Variants in CHD1L observed in about 807,000 individuals in gnomAD.
CHD1L encodes the protein chromodomain helicase DNA binding protein 1 like.
CHD1L carries 118 observed loss-of-function variants against 115.9 expected under a neutral mutation model. The ratio of observed to expected loss-of-function variants is 1.02; its 90% CI spans 0.88 to 1.19. The LOEUF (loss-of-function observed/expected upper bound fraction) is 1.19. Ranked by LOEUF, CHD1L falls within the 50% of genes most tolerant of loss-of-function variation. The pLI is 0.00. For missense variants in CHD1L, 1,179 were observed against 1,065.3 expected, an observed-to-expected ratio of 1.11 and a Z score of -1.49; for synonymous variants, 411 against 387.1, an observed-to-expected ratio of 1.06 and a Z score of -0.72.
At chr1:147,262,960 T>C (rs587738551) in intron 6 of CHD1L, among the ~76,000 whole-genome samples, 1 of 152,256 alleles carries the variant, frequency 6.6e-6, no homozygotes, top group South Asian at 2.1e-4. Flanking sequence ...CAAAAAGTAA[T>C]GTATATATGC....
intron 15 of CHD1L, among the ~76,000 whole-genome samples, chr1:147,282,398 G>A (rs12033407): frequency 1.3e-5 from 2 of 152,026 alleles, no homozygotes; most frequent in African/African-American, 2.4e-5. Context: ...TCAATTCCCC[G>A]CTTTGCAGTA....
At chr1:147,276,875 A>G (rs1553958287) in intron 14 of CHD1L, among the ~76,000 whole-genome samples, 1 of 152,178 alleles carries the variant, frequency 6.6e-6, no homozygotes. Context: ...TTTTGCCCTA[A>G]GGATGAGGGG....
chr1:147,261,996 C>G (rs1156372711), intron 6 of CHD1L, among the ~76,000 whole-genome samples: 1 of 151,838 alleles, frequency 6.6e-6, no homozygotes, highest in African/African-American at 2.4e-5. Context: ...GAGATCGAGA[C>G]CATCCTGGCT....
chr1:147,260,044 TC>T, intron 6 of CHD1L, 126 bp downstream of exon 6: 1 of 674,874 alleles, frequency 1.5e-6, no homozygotes, highest in Admixed American at 2.6e-5. Context: ...CATGCATATG[TC>T]CCCACACATG....
At chr1:147,277,512 T>C (rs2354428) in intron 14 of CHD1L, among the ~76,000 whole-genome samples, 27,027 of 152,138 alleles carry the variant, frequency 0.18, 3,062 homozygotes, top group Middle Eastern at 0.26. Flanking sequence ...TTTTATTAAT[T>C]TTGGGACTAG....
chr1:147,199,072 T>C, the CHD1L span, among the ~76,000 whole-genome samples: 1 of 152,218 alleles, frequency 6.6e-6, no homozygotes, highest in South Asian at 2.1e-4. Flanking sequence ...GAAACTATGT[T>C]TCATTTCAGT....
At chr1:147,293,245 C>T (rs1553972216) in intron 20 of CHD1L, among the ~76,000 whole-genome samples, 1 of 151,986 alleles carries the variant, frequency 6.6e-6, no homozygotes, top group Admixed American at 6.6e-5. Context: ...CTGACTCAGG[C>T]ATCAAAGGGC....
intron 6 of CHD1L, among the ~76,000 whole-genome samples, chr1:147,262,850 A>G (rs1314848131): frequency 1.3e-5 from 2 of 152,184 alleles, no homozygotes; most frequent in East Asian, 3.9e-4. Context: ...TAGAAAGACA[A>G]GAAGAAAAGG....
At chr1:147,186,207 A>G in the CHD1L span, 3 of 506,302 alleles carry the variant, frequency 5.9e-6, no homozygotes, top group African/African-American at 2.1e-5. Flanking sequence ...TTCTCAACCA[A>G]GTTGATCTCA....
chr1:147,174,009 G>A, the CHD1L span, among the ~76,000 whole-genome samples: 1 of 152,178 alleles, frequency 6.6e-6, no homozygotes, highest in Non-Finnish European at 1.5e-5. Flanking sequence ...AAGTTACATA[G>A]GCCACCCTTT....
rs1169451551 is a variant in CHD1L at position 147,270,225 on chromosome 1, T to G, written c.1086-707T>G. Among the ~76,000 whole-genome samples, 5 of 152,194 alleles carry G rather than the reference T, an allele frequency of 3.3e-5. No homozygotes were observed. The East Asian group carries it at 5.8e-4, about 18-fold the overall frequency. On this transcript the variant is annotated intron_variant, in intron 10 of 22. Transcript: ENST00000369258. ...AATATTGTTTTGACAGTGCTGTGCTTCTTTGTTTATGCAAATTTAAAATAA... is the reference window on the plus strand; with the variant it reads ...AATATTGTTTTGACAGTGCTGTGCTGCTTTGTTTATGCAAATTTAAAATAA...
At chr1:147,294,634 T>C in intron 22 of CHD1L, 117 bp downstream of exon 22, 1 of 677,524 alleles carries the variant, frequency 1.5e-6, no homozygotes, top group East Asian at 2.9e-5. Context: ...GTCTTTACTT[T>C]CCCCCTCTTC....
the CHD1L span, among the ~76,000 whole-genome samples, chr1:147,180,247 G>A: frequency 1.3e-5 from 2 of 152,060 alleles, no homozygotes; most frequent in East Asian, 1.9e-4. Context: ...TGCACCCAGG[G>A]AAATAGAGAA....
At chr1:147,187,580 A>G in the CHD1L span, among the ~76,000 whole-genome samples, 5 of 152,308 alleles carry the variant, frequency 3.3e-5, no homozygotes, top group Admixed American at 2.0e-4. Context: ...ACATCTAGAT[A>G]CAAAGGACTC....
At chr1:147,211,043 G>A in the CHD1L span, 11 of 152,174 alleles carry the variant, frequency 7.2e-5, no homozygotes, top group Non-Finnish European at 1.5e-4. Context: ...TAAAAAGTTA[G>A]AACTCAGCAA....
At chr1:147,266,577 C>T (rs1157052931) in intron 8 of CHD1L, among the ~76,000 whole-genome samples, 1 of 152,244 alleles carries the variant, frequency 6.6e-6, no homozygotes, top group Non-Finnish European at 1.5e-5. Context: ...TTCTGCGTAT[C>T]CACGCCGTCA....
chr1:147,205,594 C>T, the CHD1L span, among the ~76,000 whole-genome samples: 43 of 152,086 alleles, frequency 2.8e-4, no homozygotes, highest in African/African-American at 8.9e-4. Flanking sequence ...CAGAACAGAG[C>T]CCTCAGAAAT....
chr1:147,225,009 A>G, the CHD1L span: 22 of 1,613,700 alleles, frequency 1.4e-5, no homozygotes, highest in Admixed American at 3.3e-5. Flanking sequence ...CCCCAATCAC[A>G]GCAATTCTTT....
the CHD1L span, among the ~76,000 whole-genome samples, chr1:147,228,436 T>C: frequency 2.0e-5 from 3 of 152,222 alleles, no homozygotes; most frequent in Non-Finnish European, 2.9e-5. Flanking sequence ...TGGTTTCAAG[T>C]CTTTGCTACT....
Sources: allele counts gnomAD v4.1 joint callset (sites outside exome capture counted in the v4.1 genomes callset), GRCh38; gene constraint gnomAD v4.1.1; transcripts MANE v1.5; gene names NCBI Gene and HGNC (gene_info 2026-07-23, HGNC 2026-07-21).